ANK2: variants seen among roughly 807,000 people sequenced by gnomAD.
ANK2 encodes ankyrin-2.
A neutral mutation model predicts 360.5 loss-of-function variants in ANK2; 83 were observed. The observed-to-expected ratio is 0.23, with a 90% CI of 0.19 to 0.28. ANK2 has a LOEUF of 0.28. Ranked by LOEUF, ANK2 falls within the 10% of genes least tolerant of loss-of-function variation. The pLI, the probability that ANK2 is intolerant of heterozygous loss-of-function variation, is 1.00. For synonymous variants in ANK2, 1,740 were observed against 1,759.5 expected (o/e 0.99, Z 0.28); for missense variants, 4,201 against 4,795.7 (o/e 0.88, Z 3.66).
intron 2 of ANK2, among the ~76,000 whole-genome samples, chr4:112,943,895 C>T (rs1342924409): frequency 6.6e-6 from 1 of 151,998 alleles, no homozygotes; most frequent in Non-Finnish European, 1.5e-5. Context: ...ATTAAGAAAG[C>T]AGAGTTGGTA....
intron 2 of ANK2, among the ~76,000 whole-genome samples, chr4:113,180,763 G>A (rs1213421060): frequency 6.6e-6 from 1 of 152,158 alleles, no homozygotes; most frequent in South Asian, 2.1e-4. Flanking sequence ...AATGGAACAT[G>A]GAATGAGCTA....
intron 2 of ANK2, among the ~76,000 whole-genome samples, chr4:113,177,686 G>C (rs984789313): frequency 2.6e-5 from 4 of 152,070 alleles, no homozygotes; most frequent in Non-Finnish European, 5.9e-5. Context: ...TTAGCTTCTT[G>C]AGTTAGCTTT....
intron 1 of ANK2, among the ~76,000 whole-genome samples, chr4:112,877,910 C>T (rs373408195): frequency 6.6e-5 from 10 of 152,286 alleles, no homozygotes; most frequent in African/African-American, 2.4e-4. Context: ...CCTAATCTTC[C>T]CATATATTTC....
At chr4:113,257,613 G>GATTTTTTAAGTAGATGA (rs1369807901) in intron 11 of ANK2, among the ~76,000 whole-genome samples, 1 of 152,154 alleles carries the variant, frequency 6.6e-6, no homozygotes, top group Non-Finnish European at 1.5e-5. Flanking sequence ...TATATTCTTA[G>GATTTTTTAAGTAGATGA]ATTTTTTAAG....
chr4:113,073,280 G>C (rs2078501068), intron 1 of ANK2, among the ~76,000 whole-genome samples: 1 of 151,864 alleles, frequency 6.6e-6, no homozygotes, highest in African/African-American at 2.4e-5. Context: ...TTTGATTCTT[G>C]GAGTTTTGCA....
chr4:112,915,615 C>T (rs1471372131), intron 2 of ANK2, among the ~76,000 whole-genome samples: 1 of 151,780 alleles, frequency 6.6e-6, no homozygotes, highest in Non-Finnish European at 1.5e-5. Context: ...ATTAACTGGG[C>T]ATGGTGGCAT....
At chr4:112,734,041 C>T in the ANK2 span, among the ~76,000 whole-genome samples, 16 of 152,338 alleles carry the variant, frequency 1.1e-4, no homozygotes, top group Admixed American at 2.6e-4. Context: ...TCCCAAAGTG[C>T]TGGGTTTACA....
intron 1 of ANK2, among the ~76,000 whole-genome samples, chr4:112,886,261 A>T (rs115338965): frequency 6.6e-6 from 1 of 152,140 alleles, no homozygotes; most frequent in Non-Finnish European, 1.5e-5. Flanking sequence ...GAGATGTTCA[A>T]GTTCTGGCTC....
At chr4:112,834,274 A>T (rs28626896) in intron 1 of ANK2, among the ~76,000 whole-genome samples, 13,846 of 152,220 alleles carry the variant, frequency 0.091, 875 homozygotes, top group African/African-American at 0.18. Context: ...GGTTATATTT[A>T]AAAAATGTTC....
At chr4:113,264,823 A>T in intron 13 of ANK2, 74 bp from the exon 14 acceptor site, 1 of 1,464,722 alleles carries the variant, frequency 6.8e-7, no homozygotes, top group Non-Finnish European at 9.3e-7. Flanking sequence ...ATTTCACAAA[A>T]AGGGACAACT....
At chr4:113,060,973 G>A (rs545653408) in intron 1 of ANK2, among the ~76,000 whole-genome samples, 1 of 152,104 alleles carries the variant, frequency 6.6e-6, no homozygotes, top group South Asian at 2.1e-4. Flanking sequence ...TAATTCAAAA[G>A]GTCACTAATC....
chr4:113,307,712 C>T (rs1225337983), intron 23 of ANK2, among the ~76,000 whole-genome samples: 1 of 152,136 alleles, frequency 6.6e-6, no homozygotes, highest in Non-Finnish European at 1.5e-5. Flanking sequence ...CGCCGTTCCA[C>T]TTTAAGTTAT....
rs6533675 is a variant in ANK2 at position 113,231,906 on chromosome 4, A to T, written c.385-255A>T. 0.37 allele frequency among the ~76,000 whole-genome samples: 55,717 copies of T among 152,026 alleles called. 11,246 individuals carry two copies. The highest frequency in any genetic ancestry group is 0.47 in the Non-Finnish European group (31,611 of 67,944). ...TGAGCCACTGAGCCTGGCCACTAAG[A>T]TATCTTTTACGCAGTGTTAGCTGAC... On this transcript the variant is annotated intron_variant, in intron 4 of 45. Coordinates refer to ENST00000357077, the MANE Select transcript of ANK2 (RefSeq NM_001148.6).
intron 1 of ANK2, among the ~76,000 whole-genome samples, chr4:113,055,497 A>G (rs1236726702): frequency 6.6e-6 from 1 of 152,212 alleles, no homozygotes; most frequent in East Asian, 1.9e-4. Context: ...TAGAAAGAAG[A>G]ATCTTTAATT....
intron 1 of ANK2, among the ~76,000 whole-genome samples, chr4:113,140,247 C>T (rs191793553): frequency 2.0e-5 from 3 of 152,110 alleles, no homozygotes; most frequent in Non-Finnish European, 4.4e-5. Flanking sequence ...GTGACTATGT[C>T]GGCATCGAGA....
At chr4:113,106,118 GTCT>G (rs1266859953) in intron 1 of ANK2, among the ~76,000 whole-genome samples, 2 of 152,102 alleles carry the variant, frequency 1.3e-5, no homozygotes, top group African/African-American at 2.4e-5. Context: ...AAAGGACATT[GTCT>G]TCTTCTCTTC....
intron 1 of ANK2, among the ~76,000 whole-genome samples, chr4:113,164,855 A>G (rs937001616): frequency 6.6e-6 from 1 of 152,220 alleles, no homozygotes; most frequent in African/African-American, 2.4e-5. Context: ...TAATATTTTA[A>G]CATGCTGATT....
chr4:112,930,037 C>T (rs1175438762), intron 2 of ANK2, among the ~76,000 whole-genome samples: 1 of 151,772 alleles, frequency 6.6e-6, no homozygotes, highest in African/African-American at 2.4e-5. Flanking sequence ...TCCAATGTCA[C>T]ATAATGGAGT....
the ANK2 span, among the ~76,000 whole-genome samples, chr4:112,765,654 C>A: frequency 7.0e-6 from 1 of 142,844 alleles, no homozygotes; most frequent in Non-Finnish European, 1.5e-5. Flanking sequence ...CTCCCCCCTC[C>A]CCCGCTTTTT....
Sources: gnomAD v4.1 joint callset for allele counts (sites outside exome capture counted in the v4.1 genomes callset) on GRCh38, gnomAD v4.1.1 for gene constraint, MANE v1.5 for transcripts, NCBI Gene and HGNC (gene_info 2026-07-23, HGNC 2026-07-21) for gene names.